GRID2IP: variants seen among roughly 807,000 people sequenced by gnomAD.
GRID2IP encodes Grid2 interacting protein, also known as delphilin.
A neutral mutation model predicts 114.3 loss-of-function variants in GRID2IP; 78 were observed. The observed-to-expected ratio is 0.68, with a 90% CI of 0.57 to 0.82. The LOEUF (loss-of-function observed/expected upper bound fraction) is 0.82. Ranked by LOEUF, GRID2IP falls within the 40% of genes least tolerant of loss-of-function variation. The pLI is 0.00. For missense variants in GRID2IP, 1,727 were observed against 1,678.5 expected (o/e 1.03, Z -0.51); for synonymous variants, 809 against 724.0 (o/e 1.12, Z -1.89).
At position 6,526,807 on chromosome 7, in the gene GRID2IP, G is replaced by A. The variant is rs143651167; in HGVS notation, c.585-38C>T. 662 of 1,471,736 alleles carry A rather than the reference G, an allele frequency of 4.5e-4. 4 individuals are homozygous for A. In the African/African-American group the frequency reaches 8.7e-3, roughly 19 times the overall value. 91.2% of individuals were successfully genotyped at this position (1,471,736 alleles called of 1,614,324 possible). On this transcript the variant is annotated intron_variant, in intron 2 of 21. Transcript: ENST00000457091. This position sits in a 1 kb window ranked among gnomAD's most constrained non-coding sequence, Gnocchi z 7.6. Reference sequence around the variant, plus strand: ...ACGGCGGAGTCGGGGCGCGTTCCCGGACCCCGGATCTCTGCAAACCGCGGC... The same window carrying A: ...ACGGCGGAGTCGGGGCGCGTTCCCGAACCCCGGATCTCTGCAAACCGCGGC...
intron 8 of GRID2IP, among the ~76,000 whole-genome samples, chr7:6,513,889 G>A (rs191326352): frequency 5.0e-4 from 74 of 147,618 alleles, no homozygotes; most frequent in African/African-American, 1.7e-3. Flanking sequence ...TTGAGGCTGC[G>A]GTGAGCCATG....
chr7:6,510,734 T>C (rs1189518878), intron 9 of GRID2IP, 28 bp from the exon 10 acceptor site: 2 of 1,538,660 alleles, frequency 1.3e-6, no homozygotes, highest in Non-Finnish European at 1.8e-6. Context: ...CATTACCGTA[T>C]CTGAGCTCTA....
At chr7:6,510,239 G>A (rs1332476278) in intron 11 of GRID2IP, 44 bp downstream of exon 11, 2 of 1,336,122 alleles carry the variant, frequency 1.5e-6, no homozygotes, top group Non-Finnish European at 2.1e-6. Flanking sequence ...GCCTGGGGTG[G>A]AGGGAAACAC....
chr7:6,502,362 C>T (rs1456347327), intron 18 of GRID2IP, among the ~76,000 whole-genome samples: 1 of 152,128 alleles, frequency 6.6e-6, no homozygotes, highest in African/African-American at 2.4e-5. Context: ...GTAGCTTGGA[C>T]TACAGGCCTG....
rs1188442326 is a variant in GRID2IP, at chr7:6,536,829, A to G, written c.584+2889T>C. On this transcript the variant is annotated intron_variant, in intron 2 of 21. Transcript: ENST00000457091. This position sits in a 1 kb window ranked among gnomAD's most constrained non-coding sequence, Gnocchi z 5.3. The stretch of plus-strand genomic sequence containing the variant: ...CTAGCAAGGGGCTCACCCCTTACTC[A>G]CCCCAGGCAGCTCATGGTGGCCTCT... 2 of 604,550 alleles carry G rather than the reference A, an allele frequency of 3.3e-6. No homozygotes were observed. The highest frequency in any genetic ancestry group is 6.1e-6 in the Non-Finnish European group (2 of 330,190). 37.4% of individuals were successfully genotyped at this position (604,550 alleles called of 1,614,324 possible). A position where few individuals can be genotyped will look rare whatever the true frequency, so the allele number is the denominator to read the frequency against.
intron 2 of GRID2IP, among the ~76,000 whole-genome samples, chr7:6,535,763 C>T (rs1313891803): frequency 6.6e-6 from 1 of 152,164 alleles, no homozygotes; most frequent in Non-Finnish European, 1.5e-5. Flanking sequence ...AGTGGTGGCT[C>T]TCTGTGGTCC....
At chr7:6,503,870 C>T (rs1786493017) in intron 15 of GRID2IP, among the ~76,000 whole-genome samples, 183 bp from the exon 16 acceptor site, 1 of 150,412 alleles carries the variant, frequency 6.6e-6, no homozygotes, top group African/African-American at 2.5e-5. Context: ...TGAGCTGAGG[C>T]GGCTCCCGAA....
chr7:6,503,566 G>C lies in GRID2IP; in HGVS notation c.2832C>G (p.Ala944=), dbSNP rs1003837078. 4.8e-5 allele frequency: 74 copies of C among 1,528,830 alleles called. No homozygotes were observed. Among genetic ancestry groups the C allele is most frequent in the African/African-American group, 1.9e-4 (14 of 71,962 alleles). The allele number at this position is 1,528,830 out of a possible 1,614,324, so 94.7% of individuals were successfully genotyped here. The part of the protein sequence containing the change: ...LAQLLLFAPD[A]DEEQRYQAFR... ...AGGCCTGGTAGCGCTGCTCCTCGTC[G>C]GCGTCGGGCGCGAAGAGCAGCAGCT... is the stretch of plus-strand genomic sequence containing the variant. The change falls in exon 16 of 22, where the codon GCC becomes GCG. Residue 944 remains alanine (A), a synonymous_variant. Coordinates refer to ENST00000457091, the MANE Select transcript of GRID2IP (RefSeq NM_001145118.2).
chr7:6,548,250 G>A (rs1011971144), intron 1 of GRID2IP, among the ~76,000 whole-genome samples: 2 of 152,120 alleles, frequency 1.3e-5, no homozygotes, highest in African/African-American at 4.8e-5. Flanking sequence ...CTCCTTGGGA[G>A]GCTGAGCCAG....
Position 6,509,384 on chromosome 7 carries a change from G to C in GRID2IP, c.1772-71C>G. 7.3e-7 allele frequency: 1 copy of C among 1,370,920 alleles called. No homozygotes were observed. The highest frequency in any genetic ancestry group is 1.5e-5 in the South Asian group (1 of 67,022). 84.9% of individuals were successfully genotyped at this position (1,370,920 alleles called of 1,614,324 possible). ...AGGTTCCAGGTGCAAGCTGGAGAGA[G>C]GGTCCTAGGACAGACTGGCTCTGTG... On this transcript the variant is annotated intron_variant, in intron 11 of 21. Transcript: ENST00000457091. The surrounding 1 kb of genome is among the most constrained non-coding windows in gnomAD (Gnocchi z 4.9).
rs1268935763 is a variant in GRID2IP, at chr7:6,519,441, C to A, written c.1268+1137G>T. Among the ~76,000 whole-genome samples, 1 of 152,030 alleles carries A rather than the reference C, an allele frequency of 6.6e-6. No homozygotes were observed. Among genetic ancestry groups the A allele is most frequent in the Non-Finnish European group, 1.5e-5 (1 of 68,028 alleles). ...GACCAGCCTGGGTAACATAGTGAGA[C>A]CTCCCCATCTTTTTTAAAAAACAAA... is the stretch of plus-strand genomic sequence containing the variant. On this transcript the variant is annotated intron_variant, in intron 7 of 21. Coordinates refer to ENST00000457091, the MANE Select transcript of GRID2IP (RefSeq NM_001145118.2). The surrounding 1 kb of genome is among the most constrained non-coding windows in gnomAD (Gnocchi z 4.1).
At chr7:6,527,321 C>T (rs1779534810) in intron 2 of GRID2IP, among the ~76,000 whole-genome samples, 1 of 152,180 alleles carries the variant, frequency 6.6e-6, no homozygotes, top group South Asian at 2.1e-4. Flanking sequence ...CACCTTCAGT[C>T]CTATCTCTAA....
intron 15 of GRID2IP, 109 bp from the exon 16 acceptor site, chr7:6,503,796 G>T (rs1786490021): frequency 2.7e-6 from 2 of 751,036 alleles, no homozygotes; most frequent in Non-Finnish European, 4.0e-6. Context: ...ACGGGGCGGG[G>T]CCTAGGGGAG....
intron 1 of GRID2IP, among the ~76,000 whole-genome samples, chr7:6,547,307 G>A (rs1324103218): frequency 6.6e-6 from 1 of 152,172 alleles, no homozygotes; most frequent in African/African-American, 2.4e-5. Flanking sequence ...TTGGGAGGCT[G>A]AGGCAGGAGA....
At chr7:6,544,454 T>C (rs1779856482) in intron 1 of GRID2IP, among the ~76,000 whole-genome samples, 1 of 151,632 alleles carries the variant, frequency 6.6e-6, no homozygotes, top group Non-Finnish European at 1.5e-5. Flanking sequence ...TAATGTTTTG[T>C]GTTTTTAGTA....
intron 1 of GRID2IP, among the ~76,000 whole-genome samples, chr7:6,541,379 C>T (rs1273141291): frequency 6.6e-6 from 1 of 152,200 alleles, no homozygotes. Flanking sequence ...TATAATACTA[C>T]ACTCCCTTCC....
chr7:6,519,711 C>A lies in GRID2IP; in HGVS notation c.1268+867G>T, dbSNP rs749670932. ...GGTGGGGGTTGCGGTGAGCCGAGAT[C>A]GCACCACTGCACTCCAGCCTGGGCA... On this transcript the variant is annotated intron_variant, in intron 7 of 21. Transcript: ENST00000457091. This position sits in a 1 kb window ranked among gnomAD's most constrained non-coding sequence, Gnocchi z 4.1. Among the ~76,000 whole-genome samples, 3 of 151,758 alleles carry A rather than the reference C, an allele frequency of 2.0e-5. No individual in the cohort carries two copies. Among genetic ancestry groups the A allele is most frequent in the Admixed American group, 6.6e-5 (1 of 15,236 alleles).
intron 18 of GRID2IP, 46 bp downstream of exon 18, chr7:6,502,740 T>C: frequency 1.4e-6 from 2 of 1,413,952 alleles, no homozygotes; most frequent in Non-Finnish European, 2.0e-6. Context: ...GTTAGCGCCT[T>C]GCTGGTAGAG....
At chr7:6,510,865 A>T in intron 9 of GRID2IP, 43 bp downstream of exon 9, 1 of 1,541,546 alleles carries the variant, frequency 6.5e-7, no homozygotes, top group Non-Finnish European at 8.8e-7. Flanking sequence ...GCAGGTGGGA[A>T]AACTGAGCTC....
Sources: allele counts gnomAD v4.1 joint callset (sites outside exome capture counted in the v4.1 genomes callset), GRCh38; gene constraint gnomAD v4.1.1; non-coding constraint Gnocchi (gnomAD v3.1); transcripts MANE v1.5; gene names NCBI Gene and HGNC (gene_info 2026-07-23, HGNC 2026-07-21).